The following SENP5 variants were observed in gnomAD, a reference collection of about 807,000 sequenced individuals.
SENP5 encodes the protein sentrin-specific protease 5.
In SENP5, 21 loss-of-function variants were observed where a neutral mutation model predicts 74.2. That is an observed-to-expected ratio of 0.28 (90% CI 0.20 to 0.41). The LOEUF is 0.41. Among genes scored for constraint, SENP5 ranks in the 10% least tolerant of loss-of-function variants. SENP5 has a pLI of 1.00. For missense variants in SENP5, 717 were observed against 889.1 expected, an observed-to-expected ratio of 0.81 and a Z score of 2.46; for synonymous variants, 311 against 312.7, an observed-to-expected ratio of 0.99 and a Z score of 0.06.
intron 1 of SENP5, among the ~76,000 whole-genome samples, chr3:196,872,207 G>C (rs1259891654): frequency 1.3e-5 from 2 of 152,132 alleles, no homozygotes; most frequent in Non-Finnish European, 2.9e-5. Flanking sequence ...TATTTCCCTT[G>C]TGTGCGTGTT....
At chr3:196,896,226 C>A (rs761925079) in intron 2 of SENP5, among the ~76,000 whole-genome samples, 52 of 152,192 alleles carry the variant, frequency 3.4e-4, no homozygotes, top group African/African-American at 1.1e-3. Context: ...CTGGATAGTT[C>A]TTGGCCCACA....
At position 196,868,370 on chromosome 3, in the gene SENP5, AGAG is replaced by A. The variant is rs1170666900; in HGVS notation, c.-32+304_-32+306del. Among the ~76,000 whole-genome samples, 4 of 152,350 alleles carry A rather than the reference AGAG, an allele frequency of 2.6e-5. No individual in the cohort carries two copies. In the East Asian group the frequency reaches 7.7e-4, roughly 29 times the overall value. ...TCCTCCTGAAGCCGGGAAAGCTCTG[AGAG>A]GAGGAGCCGCTGTCACAGGCCTCCA... is the stretch of plus-strand genomic sequence containing the variant. On this transcript the variant is annotated intron_variant, in intron 1 of 9. Coordinates refer to ENST00000323460, the MANE Select transcript of SENP5 (RefSeq NM_152699.5).
At chr3:196,908,814 ACT>A (rs112955011) in intron 6 of SENP5, among the ~76,000 whole-genome samples, 33,564 of 152,004 alleles carry the variant, frequency 0.22, 3,807 homozygotes, top group African/African-American at 0.27. Flanking sequence ...GAAGAGTGAA[ACT>A]CTGTCTCAAA....
rs545996477 is a variant in SENP5, at chr3:196,897,836, C to T, written c.1514-1830C>T. Among the ~76,000 whole-genome samples the T allele has an allele frequency of 2.0e-5, 3 of 152,202 alleles. No homozygotes were observed. The South Asian group carries it at 6.2e-4, about 32-fold the overall frequency. On this transcript the variant is annotated intron_variant, in intron 2 of 9. Transcript: ENST00000323460. ...TAAGTCATGTCTGTACTTCTGTGAG[C>T]GTCTAAGCCTTGCCTCAGCTTTTTT...
chr3:196,926,090 G>T (rs1379694142), intron 7 of SENP5, among the ~76,000 whole-genome samples: 1 of 152,188 alleles, frequency 6.6e-6, no homozygotes, highest in Non-Finnish European at 1.5e-5. Context: ...TTATTCACTA[G>T]TGTCCCCAGC....
rs185964441 is a variant in SENP5, at chr3:196,931,396, A to G, written c.*473A>G. 46 of 165,810 alleles carry G rather than the reference A, an allele frequency of 2.8e-4. 1 individual carries two copies. In the South Asian group the frequency reaches 3.2e-3, roughly 11 times the overall value. The allele number at this position is 165,810 out of a possible 1,614,324, so 10.3% of individuals were successfully genotyped here. A position where few individuals can be genotyped will look rare whatever the true frequency, so the allele number is the denominator to read the frequency against. ...AGCTGGGGGTGGTTTTGACAAATCCAGTCCTGTTTTACTTTACCAGCGGCA... is the reference window on the plus strand; with the variant it reads ...AGCTGGGGGTGGTTTTGACAAATCCGGTCCTGTTTTACTTTACCAGCGGCA... On this transcript the variant is annotated 3_prime_UTR_variant, in exon 10 of 10. Transcript: ENST00000323460.
intron 1 of SENP5, among the ~76,000 whole-genome samples, chr3:196,874,346 G>A (rs73078404): frequency 8.4e-4 from 127 of 151,008 alleles, no homozygotes; most frequent in African/African-American, 3.1e-3. Context: ...TTTATATATC[G>A]CCTTTTTTGT....
At chr3:196,894,116 GTTTT>G (rs34480422) in intron 2 of SENP5, among the ~76,000 whole-genome samples, 1 of 93,180 alleles carries the variant, frequency 1.1e-5, no homozygotes, top group African/African-American at 4.0e-5. Context: ...TATTAATGTG[GTTTT>G]TTTTTTTTTT....
chr3:196,868,289 C>T (rs992186285), intron 1 of SENP5, among the ~76,000 whole-genome samples: 1 of 152,252 alleles, frequency 6.6e-6, no homozygotes, highest in Non-Finnish European at 1.5e-5. Flanking sequence ...CTGCCCTGCG[C>T]TCTCGCTCCA....
chr3:196,868,886 T>TTTTTTTTGTTTGTTTG (rs1713072166), intron 1 of SENP5, among the ~76,000 whole-genome samples: 1 of 151,744 alleles, frequency 6.6e-6, no homozygotes, highest in African/African-American at 2.4e-5. Context: ...ACTTATGTTT[T>TTTTTTTTGTTTGTTTG]TTTTTTGCAT....
chr3:196,885,347 C>T lies in SENP5; in HGVS notation c.166C>T (p.His56Tyr). The change falls in exon 2 of 10, where the codon CAT becomes TAT. Residue 56 changes from histidine to tyrosine, a missense_variant. By Grantham distance (83) the His-to-Tyr change is moderately conservative (BLOSUM62 2). This residue lies in a region of SENP5 where 567 missense variants were observed against 577.4 expected (regional missense o/e 0.98). Coordinates refer to ENST00000323460, the MANE Select transcript of SENP5 (RefSeq NM_152699.5). Reference protein sequence around the residue: ...RPVTWNRQLRHFQGRKKALQI... With the variant: ...RPVTWNRQLRYFQGRKKALQI... ...AGTTACTTGGAATAGACAGTTGAGACATTTCCAGGGTAGAAAGAAAGCTCT... is the reference window on the plus strand; with the variant it reads ...AGTTACTTGGAATAGACAGTTGAGATATTTCCAGGGTAGAAAGAAAGCTCT... 1 of 1,614,210 alleles carries T rather than the reference C, an allele frequency of 6.2e-7. No individual in the cohort carries two copies. The highest frequency in any genetic ancestry group is 8.5e-7 in the Non-Finnish European group (1 of 1,180,038).
Position 196,931,023 on chromosome 3 carries a change from C to A in SENP5, c.*100C>A. On this transcript the variant is annotated 3_prime_UTR_variant, in exon 10 of 10. Transcript: ENST00000323460. Reference sequence around the variant, plus strand: ...TTGAATTTTTACAGATATTTCAGATCAGTGGTGTTGGGCCACTATTGTTAC... The same window carrying A: ...TTGAATTTTTACAGATATTTCAGATAAGTGGTGTTGGGCCACTATTGTTAC... The A allele has an allele frequency of 1.3e-6, 1 of 774,646 alleles. No individual in the cohort carries two copies. Among genetic ancestry groups the A allele is most frequent in the South Asian group, 1.5e-5 (1 of 65,472 alleles). The allele number at this position is 774,646 out of a possible 1,614,324, so 48.0% of individuals were successfully genotyped here.
intron 6 of SENP5, among the ~76,000 whole-genome samples, chr3:196,917,041 C>T (rs368288069): frequency 4.6e-5 from 7 of 151,784 alleles, no homozygotes; most frequent in East Asian, 3.9e-4. Context: ...CGCTGAAGCA[C>T]AAGAATCGCT....
chr3:196,929,988 A>T (rs759646174), intron 9 of SENP5, among the ~76,000 whole-genome samples: 132 of 79,328 alleles, frequency 1.7e-3, no homozygotes, highest in Non-Finnish European at 2.3e-3. Flanking sequence ...GCATTTGCAT[A>T]AAAAAAAAAA....
chr3:196,873,696 C>T (rs1010369229), intron 1 of SENP5, among the ~76,000 whole-genome samples: 19 of 151,662 alleles, frequency 1.3e-4, no homozygotes, highest in African/African-American at 2.2e-4. Flanking sequence ...AAAAATTAGC[C>T]GGGTGTGGTG....
At chr3:196,908,804 G>C (rs9861759) in intron 6 of SENP5, among the ~76,000 whole-genome samples, 99,747 of 151,466 alleles carry the variant, frequency 0.66, 33,837 homozygotes, top group Non-Finnish European at 0.75. Context: ...GCCTGGGCAA[G>C]AAGAGTGAAA....
In SENP5 at chr3:196,886,106, G is replaced by A; in HGVS notation, c.925G>A (p.Asp309Asn). Residue 309 changes from aspartate (D) to asparagine (N), a missense_variant, in exon 2 of 10, where the codon GAT (aspartate) becomes AAT (asparagine). Transcript: ENST00000323460. Reference sequence around the variant, plus strand: ...TTGTCGGCATCAGCCGTACTTTCCAGATATGGACAGCAGTGCTGTGGTGAA... The same window carrying A: ...TTGTCGGCATCAGCCGTACTTTCCAAATATGGACAGCAGTGCTGTGGTGAA... ...PSCRHQPYFP[D>N]MDSSAVVKGT... The A allele has an allele frequency of 6.2e-7, 1 of 1,614,218 alleles. No individual in the cohort carries two copies. Among genetic ancestry groups the A allele is most frequent in the Non-Finnish European group, 8.5e-7 (1 of 1,180,042 alleles).
intron 1 of SENP5, among the ~76,000 whole-genome samples, chr3:196,879,348 G>T (rs866583953): frequency 5.3e-4 from 81 of 152,052 alleles, no homozygotes; most frequent in African/African-American, 1.9e-3. Flanking sequence ...TCCCTTTCTT[G>T]TACATTTTTC....
In SENP5 at chr3:196,931,112, G is replaced by C. The variant is rs1477007155; in HGVS notation, c.*189G>C. ...ACCATGTACTATTGTTTAATGTTCA[G>C]TTTGGTTTCATTTTTAATTTTATGG... On this transcript the variant is annotated 3_prime_UTR_variant, in exon 10 of 10. Transcript: ENST00000323460. 2 of 553,704 alleles carry C rather than the reference G, an allele frequency of 3.6e-6. No homozygotes were observed. Among genetic ancestry groups the C allele is most frequent in the Non-Finnish European group, 6.5e-6 (2 of 310,030 alleles). The allele number at this position is 553,704 out of a possible 1,614,324, so 34.3% of individuals were successfully genotyped here.
Sources: allele counts gnomAD v4.1 joint callset (sites outside exome capture counted in the v4.1 genomes callset), GRCh38; gene constraint gnomAD v4.1.1; regional missense constraint gnomAD v4.1.1; transcripts MANE v1.5; gene names NCBI Gene and HGNC (gene_info 2026-07-23, HGNC 2026-07-21).